Variants in C9orf78 observed in about 807,000 individuals in gnomAD.
C9orf78 encodes the protein chromosome 9 open reading frame 78.
C9orf78 carries 19 observed loss-of-function variants against 37.4 expected under a neutral mutation model. The ratio of observed to expected loss-of-function variants is 0.51; its 90% CI spans 0.35 to 0.74. C9orf78 has a LOEUF of 0.74. Ranked by LOEUF, C9orf78 falls within the 30% of genes least tolerant of loss-of-function variation. The pLI, the probability that C9orf78 is intolerant of heterozygous loss-of-function variation, is 0.01. For synonymous variants in C9orf78, 130 were observed against 128.0 expected (o/e 1.02, Z -0.10); for missense variants, 291 against 370.8 (o/e 0.78, Z 1.77).
intron 5 of C9orf78, chr9:129,831,323 T>C: frequency 8.0e-6 from 4 of 500,078 alleles, no homozygotes; most frequent in Non-Finnish European, 1.4e-5. Flanking sequence ...AGTTTGCCAA[T>C]AGCTTTGTTG....
In C9orf78 at chr9:129,831,955, GTCC is replaced by G; in HGVS notation, c.282_284del (p.Glu94del). On this transcript the variant is annotated inframe_deletion, in exon 5 of 9. Coordinates refer to ENST00000372447, the MANE Select transcript of C9orf78 (RefSeq NM_016520.3). The stretch of plus-strand genomic sequence containing the variant: ...CAGAAAACGATGTCCCCAGGTGCAG[GTCC>G]TCCTCCTCACTGATCCTGGAGGGAG... 2.6e-6 allele frequency: 4 copies of G among 1,564,276 alleles called. No individual in the cohort carries two copies. Among genetic ancestry groups the G allele is most frequent in the Non-Finnish European group, 3.5e-6 (4 of 1,134,798 alleles).
chr9:129,833,583 T>G (rs1564188964), intron 3 of C9orf78, 66 bp from the exon 4 acceptor site: 1 of 1,430,192 alleles, frequency 7.0e-7, no homozygotes, highest in Non-Finnish European at 9.9e-7. Context: ...TTTTTTTTTG[T>G]GAAGCACGCT....
intron 1 of C9orf78, 113 bp downstream of exon 1, chr9:129,835,026 G>C (rs1209043213): frequency 1.1e-6 from 1 of 909,330 alleles, no homozygotes; most frequent in African/African-American, 1.7e-5. Context: ...TCCGCAGAAG[G>C]AACCACCACC....
In C9orf78 at chr9:129,833,692, A is replaced by G. The variant is rs776841038; in HGVS notation, c.161T>C (p.Val54Ala). The G allele has an allele frequency of 6.2e-7, 1 of 1,610,858 alleles. No homozygotes were observed. Among genetic ancestry groups the G allele is most frequent in the East Asian group, 2.2e-5 (1 of 44,842 alleles). ...PNGVSAVALL[V>A]GEKVQEETTL... ...GGTCTCCTCTTGTACCTTCTCTCCC[A>G]CCAGCAAGGCCACAGCACTGAGCAA... is the stretch of plus-strand genomic sequence containing the variant. The change falls in exon 3 of 9, where the codon GTG becomes GCG. Residue 54 changes from valine to alanine, a missense_variant. Transcript: ENST00000372447.
chr9:129,833,844 G>A (rs1459511564), intron 2 of C9orf78, 135 bp from the exon 3 acceptor site: 1 of 657,982 alleles, frequency 1.5e-6, no homozygotes, highest in East Asian at 2.8e-5. Flanking sequence ...TAGGCAAGCC[G>A]GCTGGAAAAG....
intron 6 of C9orf78, 150 bp downstream of exon 6, chr9:129,830,721 G>A (rs1158115009): frequency 1.6e-6 from 1 of 627,746 alleles, no homozygotes; most frequent in South Asian, 1.8e-5. Context: ...CATCTTGGCC[G>A]GGCTGGTCTT....
At chr9:129,833,067 A>ATGTGTGTGTG (rs3054828) in intron 4 of C9orf78, among the ~76,000 whole-genome samples, 52 of 139,944 alleles carry the variant, frequency 3.7e-4, no homozygotes, top group South Asian at 6.8e-4. Flanking sequence ...GTGTGTACAT[A>ATGTGTGTGTG]TGTGTGTGTG....
At chr9:129,833,826 G>T in intron 2 of C9orf78, 117 bp from the exon 3 acceptor site, 1 of 692,366 alleles carries the variant, frequency 1.4e-6, no homozygotes. Context: ...TGGGATTTGA[G>T]GGGTGGGTAG....
At chr9:129,828,409 GTCTT>G (rs2031400629) in intron 8 of C9orf78, 157 bp from the exon 9 acceptor site, 1 of 415,572 alleles carries the variant, frequency 2.4e-6, no homozygotes, top group South Asian at 2.3e-5. Context: ...ATACGTATTT[GTCTT>G]TTTTTTTTTC....
intron 6 of C9orf78, 92 bp downstream of exon 6, chr9:129,830,779 G>A (rs1395016585): frequency 1.1e-6 from 1 of 883,560 alleles, no homozygotes; most frequent in Non-Finnish European, 1.9e-6. Context: ...CAAAGTGCTA[G>A]GATTACAGGC....
chr9:129,835,153 G>A lies in C9orf78; in HGVS notation c.69C>T (p.Asp23=). 1.9e-6 allele frequency: 3 copies of A among 1,611,444 alleles called. No individual in the cohort carries two copies. The highest frequency in any genetic ancestry group is 2.5e-6 in the Non-Finnish European group (3 of 1,178,576). ...GDSESEEDEQ[D]SEEVRLKLEE... is the part of the protein sequence containing the mutation. ...CCCAAACGCACCGAACCTCCTCTGA[G>A]TCCTGCTCATCTTCCTCTGACTCCG... is the stretch of plus-strand genomic sequence containing the variant. The change falls in exon 1 of 9, where the codon GAC becomes GAT. Residue 23 remains aspartate (D), a synonymous_variant. Coordinates refer to ENST00000372447, the MANE Select transcript of C9orf78 (RefSeq NM_016520.3).
rs374498980 is a variant in C9orf78 at position 129,835,248 on chromosome 9, G to T, written c.-27C>A. The T allele has an allele frequency of 3.4e-5, 53 of 1,561,336 alleles. No individual in the cohort carries two copies. The highest frequency in any genetic ancestry group is 2.4e-4 in the Admixed American group (14 of 58,718). ...GTGACAACGGCCGAGTTGTACAGCC[G>T]CCGCGCCTCTGCGCAGCGGCCCAGG... On this transcript the variant is annotated 5_prime_UTR_variant, in exon 1 of 9. Transcript: ENST00000372447.
chr9:129,833,261 G>T (rs1043931945), intron 4 of C9orf78, among the ~76,000 whole-genome samples, 186 bp downstream of exon 4: 215 of 151,750 alleles, frequency 1.4e-3, no homozygotes, highest in Non-Finnish European at 3.2e-4. Context: ...TACCAACTTG[G>T]CTCTAAGTTA....
Position 129,829,239 on chromosome 9 carries a change from C to CA in C9orf78, c.743dup (p.Leu248PhefsTer5). Reference sequence around the variant, plus strand: ...CTGGCTTCTCCGTGTCACCTACTCTCAAGGGCCGGGCCTTGGGCTCTTCTT... The same window carrying CA: ...CTGGCTTCTCCGTGTCACCTACTCTCAAAGGGCCGGGCCTTGGGCTCTTCTT... On this transcript the variant is annotated frameshift_variant, in exon 8 of 9. Transcript: ENST00000372447. LOFTEE classifies it high-confidence loss of function. 1 of 1,613,786 alleles carries CA rather than the reference C, an allele frequency of 6.2e-7. No individual in the cohort carries two copies.
rs2031483189 is a variant in C9orf78 at position 129,831,071 on chromosome 9, G to A, written c.345-3C>T. The A allele has an allele frequency of 5.0e-6, 8 of 1,607,866 alleles. No homozygotes were observed. Among genetic ancestry groups the A allele is most frequent in the Admixed American group, 1.7e-5 (1 of 60,010 alleles). On this transcript the variant is annotated splice_region_variant and splice_polypyrimidine_tract_variant and intron_variant, in intron 5 of 8. Transcript: ENST00000372447. Reference sequence around the variant, plus strand: ...GCTCTGTCTCAATGTACTTCATCCTGAAGTGAGAAACCCAGAGGCCTCAGG... The same window carrying A: ...GCTCTGTCTCAATGTACTTCATCCTAAAGTGAGAAACCCAGAGGCCTCAGG...
intron 8 of C9orf78, chr9:129,828,712 C>T (rs1278343671): frequency 2.6e-5 from 6 of 232,260 alleles, no homozygotes; most frequent in South Asian, 1.0e-4. Context: ...CATGGGCCAC[C>T]GAGCATGGCC....
chr9:129,828,835 A>C, intron 8 of C9orf78: 1 of 363,080 alleles, frequency 2.8e-6, no homozygotes, highest in Non-Finnish European at 5.3e-6. Context: ...GTCTCAAGCA[A>C]TCCTCCTGTC....
rs765061525 is a variant in C9orf78 at position 129,835,246 on chromosome 9, C to G, written c.-25G>C. Reference sequence around the variant, plus strand: ...TGGTGACAACGGCCGAGTTGTACAGCCGCCGCGCCTCTGCGCAGCGGCCCA... The same window carrying G: ...TGGTGACAACGGCCGAGTTGTACAGGCGCCGCGCCTCTGCGCAGCGGCCCA... On this transcript the variant is annotated 5_prime_UTR_variant, in exon 1 of 9. Transcript: ENST00000372447. 1.3e-6 allele frequency: 2 copies of G among 1,568,146 alleles called. No homozygotes were observed. Among genetic ancestry groups the G allele is most frequent in the Admixed American group, 1.7e-5 (1 of 58,776 alleles).
At chr9:129,833,246 G>A (rs74678504) in intron 4 of C9orf78, among the ~76,000 whole-genome samples, 1,815 of 151,922 alleles carry the variant, frequency 0.012, 17 homozygotes, top group Middle Eastern at 0.024. Context: ...CTTACAAAAG[G>A]AGTCTACCAA....
Sources: gnomAD v4.1 joint callset for allele counts (sites outside exome capture counted in the v4.1 genomes callset) on GRCh38, gnomAD v4.1.1 for gene constraint, MANE v1.5 for transcripts, NCBI Gene and HGNC (gene_info 2026-07-23, HGNC 2026-07-21) for gene names.